Variants in YTHDC2 observed in about 807,000 individuals in gnomAD.
YTHDC2 encodes the protein YTH N6-methyladenosine RNA binding protein C2, also known as 3'-5' RNA helicase YTHDC2.
YTHDC2 carries 45 observed loss-of-function variants against 174.9 expected under a neutral mutation model. The observed-to-expected ratio is 0.26, with a 90% CI of 0.20 to 0.33. The LOEUF is 0.33. Ranked by LOEUF, YTHDC2 falls within the 10% of genes least tolerant of loss-of-function variation. The pLI is 1.00. For synonymous variants in YTHDC2, 657 were observed against 574.5 expected (o/e 1.14, Z -2.05); for missense variants, 1,650 against 1,723.7 (o/e 0.96, Z 0.76).
chr5:113,554,070 T>C (rs1392472658), intron 16 of YTHDC2, 48 bp downstream of exon 16: 1 of 1,377,978 alleles, frequency 7.3e-7, no homozygotes, highest in African/African-American at 1.5e-5. Flanking sequence ...AAGATTAAGT[T>C]CTACTTCAAC....
chr5:113,565,000 G>A (rs183359001), intron 20 of YTHDC2, among the ~76,000 whole-genome samples: 1 of 151,912 alleles, frequency 6.6e-6, no homozygotes, highest in Non-Finnish European at 1.5e-5. Context: ...TTTTAGTAGA[G>A]ACAGGGTTTC....
At chr5:113,531,677 A>G (rs1774680426) in intron 4 of YTHDC2, among the ~76,000 whole-genome samples, 1 of 151,946 alleles carries the variant, frequency 6.6e-6, no homozygotes, top group Non-Finnish European at 1.5e-5. Context: ...GAGCCCCCAC[A>G]TCTGGATGAA....
chr5:113,574,329 T>G (rs1175462692), intron 23 of YTHDC2, among the ~76,000 whole-genome samples: 1 of 152,152 alleles, frequency 6.6e-6, no homozygotes, highest in African/African-American at 2.4e-5. Flanking sequence ...AGCCAGCTCC[T>G]TCCTCTGGAA....
Position 113,525,147 on chromosome 5 carries a change from G to C in YTHDC2, c.445G>C (p.Glu149Gln). Residue 149 changes from glutamate to glutamine, a missense_variant, in exon 3 of 30, where the codon GAA becomes CAA. Glu to Gln is a conservative substitution (Grantham distance 29). Around this residue, in one of 5 missense-constraint regions of YTHDC2, gnomAD observed 304 missense variants for 341.4 expected, o/e 0.89. Coordinates refer to ENST00000161863, the MANE Select transcript of YTHDC2 (RefSeq NM_022828.5). ...KERTELLPKTERGNVFAVEAE... is the reference protein window; with the variant it reads ...KERTELLPKTQRGNVFAVEAE... ...GCGTACAGAACTTCTGCCTAAAACAGAAAGAGGAAATGTGTTTGCAGTTGA... is the reference window on the plus strand; with the variant it reads ...GCGTACAGAACTTCTGCCTAAAACACAAAGAGGAAATGTGTTTGCAGTTGA... The C allele has an allele frequency of 1.2e-6, 2 of 1,601,970 alleles. No individual in the cohort carries two copies. Among genetic ancestry groups the C allele is most frequent in the Non-Finnish European group, 1.7e-6 (2 of 1,175,292 alleles).
At chr5:113,543,573 T>G (rs1775632007) in intron 10 of YTHDC2, among the ~76,000 whole-genome samples, 3 of 152,214 alleles carry the variant, frequency 2.0e-5, no homozygotes, top group Admixed American at 2.0e-4. Flanking sequence ...TGCAGTCTGT[T>G]CTCCGCAGAA....
In YTHDC2 at chr5:113,535,649, T is replaced by A; in HGVS notation, c.953T>A (p.Val318Glu). ...STVTHVIVDE[V>E]HERDRFSDFL... ...TATTTCTGTTTACTATAGGATGAAG[T>A]GCATGAAAGGGATCGATTTAGTGAT... Residue 318 changes from valine (V) to glutamate (E), a missense_variant, in exon 7 of 30, where the codon GTG becomes GAG. Physicochemically the swap from Val to Glu is moderately radical, Grantham distance 121. Coordinates refer to ENST00000161863, the MANE Select transcript of YTHDC2 (RefSeq NM_022828.5). 1 of 1,609,954 alleles carries A rather than the reference T, an allele frequency of 6.2e-7. No individual in the cohort carries two copies. The highest frequency in any genetic ancestry group is 8.5e-7 in the Non-Finnish European group (1 of 1,178,528).
intron 12 of YTHDC2, among the ~76,000 whole-genome samples, chr5:113,550,335 T>C (rs1377824561): frequency 6.6e-6 from 1 of 152,008 alleles, no homozygotes; most frequent in Non-Finnish European, 1.5e-5. Context: ...ATCTGTTAGA[T>C]AATTTGGGAA....
rs773794638 is a variant in YTHDC2 at position 113,553,663 on chromosome 5, G to A, written c.1941G>A (p.Lys647=). ...GLRDRILFDD[K]RFADSTHRYQ... ...GAGATCGCATCCTGTTTGATGACAA[G>A]CGGTTTGCTGACAGTACACATAGGT... The change falls in exon 14 of 30, where the codon AAG becomes AAA. Residue 647 remains lysine (K), a synonymous_variant. Coordinates refer to ENST00000161863, the MANE Select transcript of YTHDC2 (RefSeq NM_022828.5). 1 of 1,613,504 alleles carries A rather than the reference G, an allele frequency of 6.2e-7. No homozygotes were observed. The highest frequency in any genetic ancestry group is 1.7e-5 in the Admixed American group (1 of 59,954).
Position 113,567,155 on chromosome 5 carries a change from C to G in YTHDC2, c.2906C>G (p.Ala969Gly). 1 of 1,613,806 alleles carries G rather than the reference C, an allele frequency of 6.2e-7. No homozygotes were observed. Among genetic ancestry groups the G allele is most frequent in the East Asian group, 2.2e-5 (1 of 44,860 alleles). The change falls in exon 22 of 30, where the codon GCT (alanine) becomes GGT (glycine). Residue 969 changes from alanine to glycine, a missense_variant. By Grantham distance (60) the Ala-to-Gly change is moderately conservative. Coordinates refer to ENST00000161863, the MANE Select transcript of YTHDC2 (RefSeq NM_022828.5). ...RDVNTNSENW[A>G]VVKAALVAGM... Reference sequence around the variant, plus strand: ...GTTAACACAAACTCTGAGAATTGGGCTGTCGTTAAAGCTGCATTGGTGGCA... The same window carrying G: ...GTTAACACAAACTCTGAGAATTGGGGTGTCGTTAAAGCTGCATTGGTGGCA...
chr5:113,553,157 C>A lies in YTHDC2; in HGVS notation c.1689-24C>A. ...TTTTGTTAATGGAAATTGACTTTGT[C>A]TTTTTTTTTTTTTTTTTTTTCAGTG... On this transcript the variant is annotated intron_variant, in intron 12 of 29. Transcript: ENST00000161863. The A allele has an allele frequency of 4.6e-6, 5 of 1,097,340 alleles. No homozygotes were observed. The South Asian group carries it at 6.9e-5, about 15-fold the overall frequency. The allele number at this position is 1,097,340 out of a possible 1,614,324, so 68.0% of individuals were successfully genotyped here.
intron 4 of YTHDC2, among the ~76,000 whole-genome samples, chr5:113,532,424 G>A (rs947203074): frequency 6.6e-6 from 1 of 152,006 alleles, no homozygotes; most frequent in Admixed American, 6.6e-5. Context: ...TACAATCCTG[G>A]ATTATAGACT....
Position 113,594,924 on chromosome 5 carries a change from A to G in YTHDC2, c.*1450A>G, listed in dbSNP as rs1260612465. 2 of 152,174 alleles carry G rather than the reference A, an allele frequency of 1.3e-5. No homozygotes were observed. The highest frequency in any genetic ancestry group is 2.4e-5 in the African/African-American group (1 of 41,458). 9.4% of individuals were successfully genotyped at this position (152,174 alleles called of 1,614,324 possible). ...TAGAAAGTCAGCTATGATTTTGCCT[A>G]TAGTTCTAGTTATTAGCTTTGGGGT... On this transcript the variant is annotated 3_prime_UTR_variant, in exon 30 of 30. Transcript: ENST00000161863.
chr5:113,584,515 G>T (rs780262954), intron 26 of YTHDC2, 36 bp downstream of exon 26: 1 of 1,514,694 alleles, frequency 6.6e-7, no homozygotes, highest in South Asian at 1.2e-5. Flanking sequence ...GTAAGGAACA[G>T]ATTTGTAGCA....
chr5:113,558,874 A>G (rs749642600), intron 17 of YTHDC2, among the ~76,000 whole-genome samples: 1 of 149,674 alleles, frequency 6.7e-6, no homozygotes, highest in Non-Finnish European at 1.5e-5. Flanking sequence ...TTGAGCCGAG[A>G]CCACGCCATT....
chr5:113,546,768 A>G (rs1033625746), intron 10 of YTHDC2, among the ~76,000 whole-genome samples: 2 of 152,194 alleles, frequency 1.3e-5, no homozygotes, highest in Non-Finnish European at 2.9e-5. Flanking sequence ...AACTGTTCGT[A>G]GGGACTACAT....
Position 113,525,842 on chromosome 5 carries a change from G to A in YTHDC2, c.475+665G>A, listed in dbSNP as rs75629172. ...ATTTACATAGTTATTATTGTCTATT[G>A]GAATAGATCAGCAGAATATAGAAAA... On this transcript the variant is annotated intron_variant, in intron 3 of 29. Transcript: ENST00000161863. 3.4e-4 allele frequency among the ~76,000 whole-genome samples: 51 copies of A among 152,114 alleles called. 1 individual carries two copies. In the East Asian group the frequency reaches 7.5e-3, roughly 22 times the overall value.
chr5:113,576,204 T>A (rs575160761), intron 23 of YTHDC2, among the ~76,000 whole-genome samples: 1 of 152,234 alleles, frequency 6.6e-6, no homozygotes, highest in African/African-American at 2.4e-5. Flanking sequence ...TAAATGATAT[T>A]TATAGACATG....
intron 23 of YTHDC2, among the ~76,000 whole-genome samples, chr5:113,569,924 G>T (rs184280629): frequency 6.6e-6 from 1 of 152,076 alleles, no homozygotes; most frequent in Non-Finnish European, 1.5e-5. Flanking sequence ...ATTTCTCTGG[G>T]CAGTATGGCC....
intron 6 of YTHDC2, 61 bp from the exon 7 acceptor site, chr5:113,535,581 T>C: frequency 6.9e-7 from 1 of 1,439,002 alleles, no homozygotes; most frequent in Non-Finnish European, 9.2e-7. Context: ...CCATTGTTTT[T>C]AAAGACTTAG....
Sources: gnomAD v4.1 joint callset for allele counts (sites outside exome capture counted in the v4.1 genomes callset) on GRCh38, gnomAD v4.1.1 for gene constraint, gnomAD v4.1.1 regional missense constraint, MANE v1.5 for transcripts, NCBI Gene and HGNC (gene_info 2026-07-23, HGNC 2026-07-21) for gene names.